Variants in CIMAP1D observed in about 807,000 individuals in gnomAD.
CIMAP1D encodes protein CIMAP1D.
At chr19:464,375 G>A in the CIMAP1D span, 1 of 1,503,058 alleles carries the variant, frequency 6.7e-7, no homozygotes, top group Non-Finnish European at 9.0e-7. Context: ...CTGAGAGAGT[G>A]GGGAAGGAAA....
At chr19:475,676 G>C in the CIMAP1D span, among the ~76,000 whole-genome samples, 1 of 152,142 alleles carries the variant, frequency 6.6e-6, no homozygotes, top group Admixed American at 6.5e-5. Context: ...CGACCACTGC[G>C]TGAGGCTCCA....
At chr19:480,437 A>T in the CIMAP1D span, among the ~76,000 whole-genome samples, 1 of 145,360 alleles carries the variant, frequency 6.9e-6, no homozygotes, top group Non-Finnish European at 1.5e-5. Flanking sequence ...AGGATGGATG[A>T]CAGGAAGGAT....
At chr19:484,531 T>C in the CIMAP1D span, among the ~76,000 whole-genome samples, 13,511 of 152,066 alleles carry the variant, frequency 0.089, 1,208 homozygotes, top group African/African-American at 0.23. Context: ...CAGAGCAGAG[T>C]TGGGTCTTCA....
chr19:487,694 G>A, the CIMAP1D span, among the ~76,000 whole-genome samples: 1 of 152,108 alleles, frequency 6.6e-6, no homozygotes, highest in Non-Finnish European at 1.5e-5. Context: ...CATGAGGCAG[G>A]GGGGATCAGC....
the CIMAP1D span, among the ~76,000 whole-genome samples, chr19:466,836 ATGGGTGGG>A: frequency 6.7e-4 from 4 of 5,966 alleles, no homozygotes; most frequent in East Asian, 7.9e-3. Flanking sequence ...GGATAGATGG[ATGGGTGGG>A]TGGGTGGGTG....
chr19:463,604 C>T, the CIMAP1D span: 2 of 596,672 alleles, frequency 3.4e-6, no homozygotes, highest in African/African-American at 2.0e-5. Flanking sequence ...CCTGGCCTGG[C>T]GTGACCTGGA....
At chr19:486,446 CT>C in the CIMAP1D span, among the ~76,000 whole-genome samples, 7 of 151,984 alleles carry the variant, frequency 4.6e-5, no homozygotes, top group East Asian at 1.4e-3. Flanking sequence ...TTTTTTGTTT[CT>C]GTTGTTTTTC....
At chr19:474,357 T>C in the CIMAP1D span, among the ~76,000 whole-genome samples, 1 of 152,214 alleles carries the variant, frequency 6.6e-6, no homozygotes, top group African/African-American at 2.4e-5. Flanking sequence ...GCTGTGGCTT[T>C]GCCCACTGCT....
At chr19:472,005 T>C in the CIMAP1D span, among the ~76,000 whole-genome samples, 2 of 152,136 alleles carry the variant, frequency 1.3e-5, no homozygotes, top group Non-Finnish European at 2.9e-5. Flanking sequence ...CTCAGCCTCC[T>C]TAAGTGCTGG....
the CIMAP1D span, chr19:474,474 C>T: frequency 4.9e-6 from 4 of 815,366 alleles, no homozygotes; most frequent in African/African-American, 1.8e-5. Context: ...CCCATCCTGC[C>T]GGAAGGAAAA....
the CIMAP1D span, among the ~76,000 whole-genome samples, chr19:469,682 C>T: frequency 6.6e-6 from 1 of 151,848 alleles, no homozygotes; most frequent in African/African-American, 2.4e-5. Context: ...TAGTGTGAGA[C>T]TCAGTCTCAA....
At chr19:476,429 A>T in the CIMAP1D span, among the ~76,000 whole-genome samples, 1 of 152,078 alleles carries the variant, frequency 6.6e-6, no homozygotes, top group Non-Finnish European at 1.5e-5. Context: ...ACCTCAGGTG[A>T]TCCACACACC....
chr19:488,496 T>C, the CIMAP1D span, among the ~76,000 whole-genome samples: 1 of 152,224 alleles, frequency 6.6e-6, no homozygotes, highest in Admixed American at 6.5e-5. Context: ...CACTCCAGCC[T>C]GGGCGACAGA....
At chr19:468,129 G>A in the CIMAP1D span, among the ~76,000 whole-genome samples, 1 of 152,144 alleles carries the variant, frequency 6.6e-6, no homozygotes. Flanking sequence ...ACTTTCAGAG[G>A]CCGAGGCAGG....
the CIMAP1D span, among the ~76,000 whole-genome samples, chr19:484,330 G>A: frequency 4.3e-3 from 659 of 151,940 alleles, 3 homozygotes; most frequent in African/African-American, 0.015. Flanking sequence ...TAGTAGAGAC[G>A]GGGTTTCTCC....
At chr19:464,148 G>A in the CIMAP1D span, 7,394 of 599,744 alleles carry the variant, frequency 0.012, 288 homozygotes, top group African/African-American at 0.11. Context: ...GGCGGGGGGG[G>A]TGCGGCCCAC....
At chr19:464,001 G>A in the CIMAP1D span, 1 of 1,609,452 alleles carries the variant, frequency 6.2e-7, no homozygotes, top group Non-Finnish European at 8.5e-7. Flanking sequence ...GCCAGGGCCG[G>A]GGGTCTCCTC....
the CIMAP1D span, among the ~76,000 whole-genome samples, chr19:481,077 G>GGATGATGGAGAACGATGATGGAGAAC: frequency 1.1e-4 from 14 of 126,050 alleles, 1 homozygote; most frequent in East Asian, 5.2e-4. Flanking sequence ...ATGATGGGAA[G>GGATGATGGAGAACGATGATGGAGAAC]GATGATGGAG....
At chr19:483,706 C>T in the CIMAP1D span, among the ~76,000 whole-genome samples, 3 of 152,204 alleles carry the variant, frequency 2.0e-5, 1 homozygote, top group Middle Eastern at 6.3e-3. Flanking sequence ...TGCGGAAGAC[C>T]CTGCAGCAGA....
Sources: allele counts gnomAD v4.1 joint callset (sites outside exome capture counted in the v4.1 genomes callset), GRCh38; gene constraint gnomAD v4.1.1; transcripts MANE v1.5; gene names NCBI Gene and HGNC (gene_info 2026-07-23, HGNC 2026-07-21).